Variants in SLC9A9 observed in about 807,000 individuals in gnomAD.
The protein encoded by SLC9A9 is solute carrier family 9 member A9.
A neutral mutation model predicts 77.8 loss-of-function variants in SLC9A9; 62 were observed. The ratio of observed to expected loss-of-function variants is 0.80; its 90% CI spans 0.65 to 0.98. The LOEUF (loss-of-function observed/expected upper bound fraction) is 0.98, where lower values mean the gene tolerates loss of function less well. Among genes scored for constraint, SLC9A9 ranks in the 50% least tolerant of loss-of-function variants. The pLI is 0.00. For missense variants in SLC9A9, 775 were observed against 774.9 expected (o/e 1.00, Z 0.00); for synonymous variants, 320 against 283.5 (o/e 1.13, Z -1.29).
chr3:143,648,122 A>T (rs56969358), intron 6 of SLC9A9, among the ~76,000 whole-genome samples: 3 of 98,138 alleles, frequency 3.1e-5, no homozygotes, highest in Non-Finnish European at 6.9e-5. Context: ...CTTTACAACC[A>T]TATTACTTTA....
intron 6 of SLC9A9, among the ~76,000 whole-genome samples, chr3:143,602,773 C>G (rs929599075): frequency 6.6e-6 from 1 of 152,160 alleles, no homozygotes; most frequent in Non-Finnish European, 1.5e-5. Flanking sequence ...TTGACTTCCC[C>G]AAAGAAACCC....
At chr3:143,598,966 G>A (rs1177694980) in intron 6 of SLC9A9, among the ~76,000 whole-genome samples, 1 of 152,194 alleles carries the variant, frequency 6.6e-6, no homozygotes, top group Non-Finnish European at 1.5e-5. Context: ...TGATTTGCTA[G>A]CCAAGCCAGA....
intron 14 of SLC9A9, among the ~76,000 whole-genome samples, chr3:143,285,988 G>A (rs1382265010): frequency 6.6e-6 from 1 of 152,102 alleles, no homozygotes; most frequent in Non-Finnish European, 1.5e-5. Context: ...GAGGAAGTAT[G>A]GGATGTGGTT....
intron 8 of SLC9A9, among the ~76,000 whole-genome samples, chr3:143,560,953 G>A (rs896908000): frequency 1.3e-5 from 2 of 152,222 alleles, no homozygotes; most frequent in Non-Finnish European, 2.9e-5. Flanking sequence ...GGCTGAGGCA[G>A]GCTGATCACC....
Position 143,346,164 on chromosome 3 carries a change from T to C in SLC9A9, c.1604+17320A>G, listed in dbSNP as rs146442215. 7.0e-3 allele frequency among the ~76,000 whole-genome samples: 1,067 copies of C among 152,302 alleles called. 11 individuals carry two copies. The highest frequency in any genetic ancestry group is 0.025 in the African/African-American group (1,023 of 41,558). ...TTACCTGAATATAGATTTCTCCCAATATGCCAGTTGAAACTCTCTCAGCAT... is the reference window on the plus strand; with the variant it reads ...TTACCTGAATATAGATTTCTCCCAACATGCCAGTTGAAACTCTCTCAGCAT... On this transcript the variant is annotated intron_variant, in intron 14 of 15. Coordinates refer to ENST00000316549, the MANE Select transcript of SLC9A9 (RefSeq NM_173653.4).
intron 4 of SLC9A9, among the ~76,000 whole-genome samples, chr3:143,730,600 T>C (rs1934776040): frequency 6.6e-6 from 1 of 152,220 alleles, no homozygotes; most frequent in Non-Finnish European, 1.5e-5. Flanking sequence ...TGCCAAGATA[T>C]CTTACATATT....
intron 4 of SLC9A9, among the ~76,000 whole-genome samples, chr3:143,723,584 CA>C (rs1934559748): frequency 1.3e-5 from 2 of 152,204 alleles, no homozygotes; most frequent in African/African-American, 4.8e-5. Context: ...TGTGTATTTT[CA>C]ATAACATTTT....
chr3:143,471,499 A>G (rs2035377424), intron 11 of SLC9A9, among the ~76,000 whole-genome samples: 1 of 152,196 alleles, frequency 6.6e-6, no homozygotes, highest in East Asian at 1.9e-4. Context: ...AAAATGAAAA[A>G]TGAATATTGA....
intron 7 of SLC9A9, among the ~76,000 whole-genome samples, chr3:143,576,132 G>A (rs564498084): frequency 2.0e-5 from 3 of 152,284 alleles, no homozygotes; most frequent in Admixed American, 6.5e-5. Context: ...TCCACTTAGC[G>A]TAGCCTCCAG....
intron 1 of SLC9A9, among the ~76,000 whole-genome samples, chr3:143,834,571 C>CT (rs5853131): frequency 0.12 from 14,431 of 116,882 alleles, 2,964 homozygotes; most frequent in African/African-American, 0.42. Context: ...GCGAGGCACT[C>CT]TTTTTTTTTT....
At chr3:143,592,951 G>A (rs975496213) in intron 6 of SLC9A9, among the ~76,000 whole-genome samples, 4 of 152,198 alleles carry the variant, frequency 2.6e-5, no homozygotes, top group East Asian at 1.9e-4. Context: ...GGAACATGGG[G>A]GAGAAGTGTT....
At chr3:143,315,665 T>A (rs2031186440) in intron 14 of SLC9A9, among the ~76,000 whole-genome samples, 1 of 152,234 alleles carries the variant, frequency 6.6e-6, no homozygotes, top group Non-Finnish European at 1.5e-5. Flanking sequence ...GGTTGTATGT[T>A]CTTTGGTCAA....
intron 1 of SLC9A9, among the ~76,000 whole-genome samples, chr3:143,843,489 T>G (rs2009756213): frequency 6.6e-6 from 1 of 152,232 alleles, no homozygotes; most frequent in African/African-American, 2.4e-5. Context: ...AACGCTTTAA[T>G]ATGATATAGT....
chr3:143,597,704 T>C (rs16853920), intron 6 of SLC9A9, among the ~76,000 whole-genome samples: 31,229 of 152,206 alleles, frequency 0.21, 3,527 homozygotes, highest in African/African-American at 0.3. Flanking sequence ...ATGAAAGATG[T>C]TGTTAATCTC....
intron 9 of SLC9A9, among the ~76,000 whole-genome samples, chr3:143,511,938 C>T (rs2036122157): frequency 6.6e-6 from 1 of 152,136 alleles, no homozygotes; most frequent in Non-Finnish European, 1.5e-5. Flanking sequence ...ATGCTGAATA[C>T]CCTGGAATTT....
At chr3:143,356,362 T>C (rs77869749) in intron 14 of SLC9A9, among the ~76,000 whole-genome samples, 8 of 152,194 alleles carry the variant, frequency 5.3e-5, no homozygotes, top group African/African-American at 1.9e-4. Context: ...GAGGATAGTA[T>C]GTATCATTCC....
At chr3:143,618,627 C>T (rs754271346) in intron 6 of SLC9A9, among the ~76,000 whole-genome samples, 17 of 152,086 alleles carry the variant, frequency 1.1e-4, no homozygotes, top group Non-Finnish European at 2.2e-4. Context: ...CAACCTGGCA[C>T]GATGACAGGA....
At chr3:143,530,659 A>C (rs1013208792) in intron 9 of SLC9A9, among the ~76,000 whole-genome samples, 76 of 133,928 alleles carry the variant, frequency 5.7e-4, no homozygotes, top group African/African-American at 2.0e-3. Context: ...AAAACAAAAC[A>C]AACAAACAAA....
chr3:143,754,603 C>T (rs528624296), intron 4 of SLC9A9, among the ~76,000 whole-genome samples: 5 of 152,168 alleles, frequency 3.3e-5, no homozygotes, highest in South Asian at 2.1e-4. Context: ...CCCATGTAAG[C>T]GAGCTACTGA....
Sources: allele counts gnomAD v4.1 joint callset (sites outside exome capture counted in the v4.1 genomes callset), GRCh38; gene constraint gnomAD v4.1.1; transcripts MANE v1.5; gene names NCBI Gene and HGNC (gene_info 2026-07-23, HGNC 2026-07-21).